CLIC5: variants seen among roughly 807,000 people sequenced by gnomAD.
The protein encoded by CLIC5 is CLIC family member 5.
In CLIC5, 20 loss-of-function variants were observed where a neutral mutation model predicts 24.7. The observed-to-expected ratio is 0.81, with a 90% CI of 0.57 to 1.18. The LOEUF (loss-of-function observed/expected upper bound fraction) is 1.18, where lower values mean the gene tolerates loss of function less well. Among genes scored for constraint, CLIC5 ranks in the 50% most tolerant of loss-of-function variants. The pLI, the probability that CLIC5 is intolerant of heterozygous loss-of-function variation, is 0.00. For missense variants in CLIC5, 341 were observed against 326.1 expected (o/e 1.05, Z -0.35); for synonymous variants, 159 against 135.6 (o/e 1.17, Z -1.20).
At chr6:46,011,481 G>A (rs1766807765) in intron 1 of CLIC5, among the ~76,000 whole-genome samples, 1 of 152,226 alleles carries the variant, frequency 6.6e-6, no homozygotes, top group African/African-American at 2.4e-5. Flanking sequence ...ACACACTGAT[G>A]TAATCGGCTT....
chr6:45,894,096 T>C (rs1762374332), downstream of CLIC5, among the ~76,000 whole-genome samples: 2 of 152,320 alleles, frequency 1.3e-5, no homozygotes, highest in South Asian at 4.1e-4. Flanking sequence ...AAAGTGGAAT[T>C]GTATCCTTGG....
intron 1 of CLIC5, among the ~76,000 whole-genome samples, chr6:46,006,941 A>G (rs979260266): frequency 6.6e-6 from 1 of 152,070 alleles, no homozygotes; most frequent in African/African-American, 2.4e-5. Context: ...CAAAGTGCTG[A>G]GATTACAGTC....
chr6:45,911,498 A>G (rs935797620), intron 5 of CLIC5: 5 of 598,850 alleles, frequency 8.3e-6, no homozygotes, highest in Non-Finnish European at 1.0e-5. Flanking sequence ...TTCATGCAGG[A>G]GTGGTGGCCT....
At chr6:45,997,175 T>TA (rs1254619166) in intron 1 of CLIC5, among the ~76,000 whole-genome samples, 3 of 150,786 alleles carry the variant, frequency 2.0e-5, no homozygotes, top group Non-Finnish European at 4.4e-5. Context: ...TATGCAGCCA[T>TA]AAAAAATGAT....
At chr6:46,044,706 G>T (rs1169320646) in intron 1 of CLIC5, among the ~76,000 whole-genome samples, 1 of 152,090 alleles carries the variant, frequency 6.6e-6, no homozygotes, top group Non-Finnish European at 1.5e-5. Context: ...TTTCTTATAT[G>T]ATTTGGGGGC....
intron 6 of CLIC5, among the ~76,000 whole-genome samples, chr6:45,886,363 A>T (rs9472602): frequency 1.3e-5 from 2 of 152,132 alleles, no homozygotes; most frequent in African/African-American, 4.8e-5. Flanking sequence ...CACCCTGAGC[A>T]GCCCCACCCT....
chr6:46,116,485 A>T, the CLIC5 span, among the ~76,000 whole-genome samples: 76 of 152,292 alleles, frequency 5.0e-4, no homozygotes, highest in Admixed American at 9.2e-4. Flanking sequence ...ATCTGCAAAA[A>T]GGGCCCTGTT....
chr6:45,950,780 T>C (rs943467947), intron 2 of CLIC5, among the ~76,000 whole-genome samples: 32 of 152,096 alleles, frequency 2.1e-4, no homozygotes, highest in African/African-American at 7.2e-4. Context: ...CCTTTCACAG[T>C]ATTTTAACTT....
downstream of CLIC5, among the ~76,000 whole-genome samples, chr6:45,895,091 AG>A (rs1168923438): frequency 6.6e-6 from 1 of 152,194 alleles, no homozygotes; most frequent in Non-Finnish European, 1.5e-5. Flanking sequence ...TACTAATTAA[AG>A]GTGGTTATCT....
intron 1 of CLIC5, among the ~76,000 whole-genome samples, chr6:45,988,752 T>C (rs1171355301): frequency 6.6e-6 from 1 of 152,226 alleles, no homozygotes; most frequent in Non-Finnish European, 1.5e-5. Flanking sequence ...GCTGCTGACT[T>C]CTCAAGTTCC....
chr6:46,006,533 C>T (rs1766589169), intron 1 of CLIC5, among the ~76,000 whole-genome samples: 1 of 152,070 alleles, frequency 6.6e-6, no homozygotes, highest in Non-Finnish European at 1.5e-5. Flanking sequence ...TGGGACACAT[C>T]CGGGCTTGTC....
intron 1 of CLIC5, among the ~76,000 whole-genome samples, chr6:45,978,346 C>A (rs1355943846): frequency 1.3e-5 from 2 of 152,040 alleles, no homozygotes; most frequent in South Asian, 2.1e-4. Flanking sequence ...CTGGGGATGG[C>A]TAACAATGAG....
the CLIC5 span, among the ~76,000 whole-genome samples, chr6:46,085,967 C>T: frequency 6.6e-6 from 1 of 152,236 alleles, no homozygotes; most frequent in Non-Finnish European, 1.5e-5. Context: ...CCTCCCCCAG[C>T]CTCGCTGCTG....
intron 1 of CLIC5, among the ~76,000 whole-genome samples, chr6:46,045,489 C>G (rs1280903635): frequency 6.6e-6 from 1 of 152,144 alleles, no homozygotes; most frequent in African/African-American, 2.4e-5. Context: ...GGCAGAGAGT[C>G]ACTGGCCCAT....
At chr6:45,905,093 A>G (rs1762620956) in intron 5 of CLIC5, among the ~76,000 whole-genome samples, 1 of 152,162 alleles carries the variant, frequency 6.6e-6, no homozygotes, top group African/African-American at 2.4e-5. Flanking sequence ...TCCATGATGT[A>G]TATGTACCAT....
Position 45,923,926 on chromosome 6 carries a change from C to T in CLIC5, c.407-9517G>A, listed in dbSNP as rs568063697. The stretch of plus-strand genomic sequence containing the variant: ...GCTTAACCGGTGCTTGTTTCCTTCT[C>T]TGCAAAGTGGAGATCATAACATGGC... On this transcript the variant is annotated intron_variant, in intron 4 of 5. Coordinates refer to ENST00000339561, the MANE Select transcript of CLIC5 (RefSeq NM_016929.5). Among the ~76,000 whole-genome samples the T allele has an allele frequency of 3.6e-4, 55 of 152,274 alleles. 1 individual carries two copies. In the South Asian group the frequency reaches 0.011, roughly 31 times the overall value.
At chr6:46,120,365 G>A in the CLIC5 span, among the ~76,000 whole-genome samples, 1 of 152,210 alleles carries the variant, frequency 6.6e-6, no homozygotes, top group African/African-American at 2.4e-5. Flanking sequence ...ACCTGCAGCT[G>A]AGGGTCCTGA....
chr6:46,054,529 A>T (rs1454068573), intron 1 of CLIC5, among the ~76,000 whole-genome samples: 1 of 152,178 alleles, frequency 6.6e-6, no homozygotes, highest in Admixed American at 6.5e-5. Context: ...ACGAGTGATG[A>T]TTTCCCACCT....
chr6:45,887,787 ACT>A (rs375164543), intron 6 of CLIC5, among the ~76,000 whole-genome samples: 94 of 152,286 alleles, frequency 6.2e-4, no homozygotes, highest in African/African-American at 2.1e-3. Flanking sequence ...CGCGTAATAC[ACT>A]CACATGTAAT....
Sources: allele counts gnomAD v4.1 joint callset (sites outside exome capture counted in the v4.1 genomes callset), GRCh38; gene constraint gnomAD v4.1.1; transcripts MANE v1.5; gene names NCBI Gene and HGNC (gene_info 2026-07-23, HGNC 2026-07-21).